The following TMEM45B variants were observed in gnomAD, a reference collection of about 807,000 sequenced individuals.
TMEM45B encodes transmembrane protein 45B.
In TMEM45B, 29 loss-of-function variants were observed where a neutral mutation model predicts 27.3. That is an observed-to-expected ratio of 1.06 (90% CI 0.79 to 1.45). The LOEUF (loss-of-function observed/expected upper bound fraction) is 1.45, where lower values mean the gene tolerates loss of function less well. TMEM45B is among the 40% of genes most tolerant of loss of function. TMEM45B has a pLI of 0.00. For missense variants in TMEM45B, 348 were observed against 343.9 expected (o/e 1.01, Z -0.09); for synonymous variants, 143 against 134.7 (o/e 1.06, Z -0.43).
At chr11:129,849,414 C>T (rs1947813231) in intron 1 of TMEM45B, among the ~76,000 whole-genome samples, 1 of 152,204 alleles carries the variant, frequency 6.6e-6, no homozygotes, top group African/African-American at 2.4e-5. Context: ...CCATATCTCA[C>T]CTTCTGAACA....
chr11:129,828,062 A>C (rs1947507426), intron 1 of TMEM45B: 1 of 152,176 alleles, frequency 6.6e-6, no homozygotes, highest in African/African-American at 2.4e-5. Flanking sequence ...GCGGCACCTG[A>C]CTGTATACAG....
chr11:129,851,396 T>C (rs1226305622), intron 1 of TMEM45B, among the ~76,000 whole-genome samples: 3 of 149,864 alleles, frequency 2.0e-5, no homozygotes, highest in Non-Finnish European at 4.4e-5. Flanking sequence ...ATATAAAAAT[T>C]AGCCAGGCGT....
chr11:129,837,181 C>T (rs1365286455), intron 1 of TMEM45B, among the ~76,000 whole-genome samples: 1 of 152,108 alleles, frequency 6.6e-6, no homozygotes, highest in Non-Finnish European at 1.5e-5. Context: ...CTTACTCCCT[C>T]TTACAGCATG....
intron 1 of TMEM45B, among the ~76,000 whole-genome samples, chr11:129,816,312 C>T (rs1947350628): frequency 6.6e-6 from 1 of 152,146 alleles, no homozygotes; most frequent in African/African-American, 2.4e-5. Context: ...GGACGCGCGC[C>T]CCCGGGGATG....
chr11:129,833,682 G>A (rs1412954645), intron 1 of TMEM45B, among the ~76,000 whole-genome samples: 1 of 152,102 alleles, frequency 6.6e-6, no homozygotes, highest in African/African-American at 2.4e-5. Context: ...GGCTGAGGCA[G>A]GAGAATCACT....
intron 1 of TMEM45B, among the ~76,000 whole-genome samples, chr11:129,838,022 T>A (rs1357971771): frequency 6.6e-6 from 1 of 152,060 alleles, no homozygotes; most frequent in Non-Finnish European, 1.5e-5. Context: ...TCTCAGGTGA[T>A]CCACCCACCT....
intron 1 of TMEM45B, among the ~76,000 whole-genome samples, chr11:129,824,457 G>A (rs1157564902): frequency 6.6e-6 from 1 of 152,154 alleles, no homozygotes; most frequent in Non-Finnish European, 1.5e-5. Context: ...TATCATCTGG[G>A]GGGAAAGGAT....
rs564182694 is a variant in TMEM45B, at chr11:129,825,036, A to G, written c.-9+9138A>G. On this transcript the variant is annotated intron_variant, in intron 1 of 5. Transcript: ENST00000281441. The stretch of plus-strand genomic sequence containing the variant: ...AATGCAAGGGGACGTGGACCCCTCC[A>G]CAGGCTGCTGGTTAGCCAATGGAAC... Among the ~76,000 whole-genome samples, 96 of 152,328 alleles carry G rather than the reference A, an allele frequency of 6.3e-4. 1 individual carries two copies. Among genetic ancestry groups the G allele is most frequent in the African/African-American group, 2.1e-3 (89 of 41,580 alleles).
At chr11:129,853,491 C>A (rs1397090282) in intron 2 of TMEM45B, among the ~76,000 whole-genome samples, 1 of 152,218 alleles carries the variant, frequency 6.6e-6, no homozygotes, top group Non-Finnish European at 1.5e-5. Context: ...ACCATTCAGG[C>A]ATCAGAGAGG....
At chr11:129,850,158 T>TTG (rs1555072781) in intron 1 of TMEM45B, among the ~76,000 whole-genome samples, 21 of 151,836 alleles carry the variant, frequency 1.4e-4, no homozygotes, top group African/African-American at 3.9e-4. Context: ...CGTTTTTTTT[T>TTG]TTGTTGATGT....
rs1432363524 is a variant in TMEM45B, at chr11:129,859,469, A to C, written c.*784A>C. Reference sequence around the variant, plus strand: ...GTTTTAATATGGCTGAAAGCAAAGGATAACGAATTCAGAATTAGTAATGTA... The same window carrying C: ...GTTTTAATATGGCTGAAAGCAAAGGCTAACGAATTCAGAATTAGTAATGTA... On this transcript the variant is annotated 3_prime_UTR_variant, in exon 6 of 6. Coordinates refer to ENST00000281441, the MANE Select transcript of TMEM45B (RefSeq NM_138788.5). 1 of 152,208 alleles carries C rather than the reference A, an allele frequency of 6.6e-6. No individual in the cohort carries two copies. The highest frequency in any genetic ancestry group is 2.4e-5 in the African/African-American group (1 of 41,448). 9.4% of individuals were successfully genotyped at this position (152,208 alleles called of 1,614,324 possible). A position where few individuals can be genotyped will look rare whatever the true frequency, so the allele number is the denominator to read the frequency against.
At chr11:129,838,915 A>T (rs1947657041) in intron 1 of TMEM45B, among the ~76,000 whole-genome samples, 1 of 152,148 alleles carries the variant, frequency 6.6e-6, no homozygotes, top group South Asian at 2.1e-4. Context: ...TTATTTTTTT[A>T]AAGCACCATA....
At chr11:129,834,394 G>A (rs530715431) in intron 1 of TMEM45B, among the ~76,000 whole-genome samples, 5 of 151,806 alleles carry the variant, frequency 3.3e-5, no homozygotes, top group East Asian at 3.9e-4. Context: ...TCACGCCACT[G>A]CACTCCAGCC....
chr11:129,855,988 A>G, intron 4 of TMEM45B, 96 bp downstream of exon 4: 1 of 1,431,174 alleles, frequency 7.0e-7, no homozygotes, highest in Non-Finnish European at 9.6e-7. Flanking sequence ...TGGGGTCTGA[A>G]AATGCAGCAT....
At chr11:129,842,318 A>G (rs1358221230) in intron 1 of TMEM45B, among the ~76,000 whole-genome samples, 2 of 152,228 alleles carry the variant, frequency 1.3e-5, no homozygotes, top group Admixed American at 1.3e-4. Context: ...CTCAACCAAC[A>G]CTGAATTTAA....
intron 1 of TMEM45B, among the ~76,000 whole-genome samples, chr11:129,824,269 T>G (rs1039081986): frequency 6.6e-6 from 1 of 152,176 alleles, no homozygotes; most frequent in Non-Finnish European, 1.5e-5. Flanking sequence ...GAGTCTAAAC[T>G]CCCAGGGACC....
At chr11:129,844,032 A>G (rs1266576764) in intron 1 of TMEM45B, among the ~76,000 whole-genome samples, 1 of 152,218 alleles carries the variant, frequency 6.6e-6, no homozygotes, top group Non-Finnish European at 1.5e-5. Flanking sequence ...TAGCCAAGAT[A>G]TGGAAACAAT....
At chr11:129,833,322 G>A (rs1298567128) in intron 1 of TMEM45B, among the ~76,000 whole-genome samples, 1 of 152,036 alleles carries the variant, frequency 6.6e-6, no homozygotes, top group Admixed American at 6.6e-5. Flanking sequence ...TGGCGTTATG[G>A]GCAGAATTTT....
chr11:129,855,763 C>T lies in TMEM45B; in HGVS notation c.441C>T (p.His147=), dbSNP rs1257060747. ...HNRPPLDQHI[H]SLLLYALFGG... is the part of the protein sequence containing the mutation. ...GGCCTCCGCTGGACCAGCACATCCACTCACTCCTGCTGTATGCTCTGTTCG... is the reference window on the plus strand; with the variant it reads ...GGCCTCCGCTGGACCAGCACATCCATTCACTCCTGCTGTATGCTCTGTTCG... The change falls in exon 4 of 6, where the codon CAC becomes CAT. Residue 147 remains histidine, a synonymous_variant. Transcript: ENST00000281441. The T allele has an allele frequency of 2.5e-6, 4 of 1,614,214 alleles. No homozygotes were observed. The East Asian group carries it at 8.9e-5, about 36-fold the overall frequency.
Sources: gnomAD v4.1 joint callset for allele counts (sites outside exome capture counted in the v4.1 genomes callset) on GRCh38, gnomAD v4.1.1 for gene constraint, MANE v1.5 for transcripts, NCBI Gene and HGNC (gene_info 2026-07-23, HGNC 2026-07-21) for gene names.